Variants in DNMT3A observed in about 807,000 individuals in gnomAD.
DNMT3A encodes DNA (cytosine-5)-methyltransferase 3A.
In DNMT3A, 267 loss-of-function variants were observed where a neutral mutation model predicts 117.6. The ratio of observed to expected loss-of-function variants is 2.27; its 90% CI spans 2.05 to 2.51. DNMT3A has a LOEUF of 2.51. Among genes scored for constraint, DNMT3A ranks in the 30% most tolerant of loss-of-function variants. DNMT3A has a pLI of 0.00. For missense variants in DNMT3A, 1,029 were observed against 1,260.2 expected (o/e 0.82, Z 2.78); for synonymous variants, 432 against 474.8 (o/e 0.91, Z 1.17).
Position 25,240,690 on chromosome 2 carries a change from C to T in DNMT3A, c.2123G>A (p.Ser708Asn), listed in dbSNP as rs2149273965. Reference sequence around the variant, plus strand: ...GACGATGGAGAGGTCATTGCAGGGACTGCCCCCAATCACCAGATCGAATGG... The same window carrying T: ...GACGATGGAGAGGTCATTGCAGGGATTGCCCCCAATCACCAGATCGAATGG... ...WGPFDLVIGG[S>N]PCNDLSIVNP... The change falls in exon 18 of 23, where the codon AGT (serine) becomes AAT (asparagine). Residue 708 changes from serine (S) to asparagine (N), a missense_variant. By Grantham distance (46) the Ser-to-Asn change is conservative (BLOSUM62 1). Transcript: ENST00000321117. The T allele has an allele frequency of 6.2e-7, 1 of 1,614,236 alleles. No individual in the cohort carries two copies.
At chr2:25,276,962 G>A (rs561562427) in intron 4 of DNMT3A, among the ~76,000 whole-genome samples, 1 of 152,348 alleles carries the variant, frequency 6.6e-6, no homozygotes, top group Non-Finnish European at 1.5e-5. Flanking sequence ...GACTGGTTTT[G>A]GGCTGACCCC....
Position 25,295,127 on chromosome 2 carries a change from C to A in DNMT3A, c.177+5012G>T, listed in dbSNP as rs369799226. On this transcript the variant is annotated intron_variant, in intron 3 of 22. Transcript: ENST00000321117. ...CACCCATGAAGGACAAAGGCCTCTG[C>A]AGGACTGTCTGGGCTGGCAACCAGG... Among the ~76,000 whole-genome samples the A allele has an allele frequency of 8.9e-4, 135 of 152,348 alleles. 1 individual carries two copies. Among genetic ancestry groups the A allele is most frequent in the African/African-American group, 3.0e-3 (125 of 41,576 alleles).
intron 2 of DNMT3A, among the ~76,000 whole-genome samples, chr2:25,309,149 C>G (rs990114455): frequency 1.3e-5 from 2 of 152,192 alleles, no homozygotes; most frequent in African/African-American, 4.8e-5. Context: ...CATGGCTTAC[C>G]CACCTCGATG....
At chr2:25,270,876 T>A (rs773944236) in intron 6 of DNMT3A, among the ~76,000 whole-genome samples, 19 of 152,144 alleles carry the variant, frequency 1.2e-4, no homozygotes, top group Middle Eastern at 3.2e-3. Flanking sequence ...TACAAAAAAT[T>A]AGCCGGGTGT....
chr2:25,240,857 C>T (rs1673946585), intron 17 of DNMT3A, 127 bp from the exon 18 acceptor site: 1 of 874,184 alleles, frequency 1.1e-6, no homozygotes, highest in South Asian at 1.6e-5. Flanking sequence ...CCCAGCTGCT[C>T]TGCAGGCTCA....
rs1013221300 is a variant in DNMT3A at position 25,278,016 on chromosome 2, C to CACACAA, written c.449-2474_449-2473insTTGTGT. 6.1e-5 allele frequency among the ~76,000 whole-genome samples: 5 copies of CACACAA among 81,308 alleles called. No individual in the cohort carries two copies. In the South Asian group the frequency reaches 2.7e-3, roughly 44 times the overall value. 53.3% of individuals were successfully genotyped at this position (81,308 alleles called of 152,430 possible). A position where few individuals can be genotyped will look rare whatever the true frequency, so the allele number is the denominator to read the frequency against. On this transcript the variant is annotated intron_variant, in intron 4 of 22. Transcript: ENST00000321117. ...ACTTGAGTGATCACACACACACACA[C>CACACAA]ACACACACACACACACACACACAGA...
chr2:25,272,232 C>A (rs1386668122), intron 6 of DNMT3A, among the ~76,000 whole-genome samples: 1 of 152,232 alleles, frequency 6.6e-6, no homozygotes, highest in East Asian at 1.9e-4. Context: ...GGTGATCCAC[C>A]CGCCTCGGCC....
rs546766077 is a variant in DNMT3A at position 25,236,331 on chromosome 2, T to C, written c.2479-506A>G. 1.3e-3 allele frequency among the ~76,000 whole-genome samples: 202 copies of C among 152,264 alleles called. 1 individual carries two copies. The highest frequency in any genetic ancestry group is 4.7e-3 in the African/African-American group (197 of 41,562). ...CCGCCTGCCTCGGCCTCCCAAAGTATTGGGATTATAGGCGTGAGCCACCGC... is the reference window on the plus strand; with the variant it reads ...CCGCCTGCCTCGGCCTCCCAAAGTACTGGGATTATAGGCGTGAGCCACCGC... On this transcript the variant is annotated intron_variant, in intron 21 of 22. Transcript: ENST00000321117. This position sits in a 1 kb window ranked among gnomAD's most constrained non-coding sequence, Gnocchi z 4.5.
At chr2:25,321,036 G>A (rs538996569) in intron 1 of DNMT3A, among the ~76,000 whole-genome samples, 34 of 152,296 alleles carry the variant, frequency 2.2e-4, no homozygotes, top group Middle Eastern at 3.4e-3. Context: ...GGAAGGCTGA[G>A]GCAGGAGAAT....
intron 3 of DNMT3A, among the ~76,000 whole-genome samples, chr2:25,285,523 C>T (rs1310028060): frequency 1.3e-5 from 2 of 152,224 alleles, no homozygotes; most frequent in Non-Finnish European, 2.9e-5. Flanking sequence ...GAGGGAAGCA[C>T]CCACAGAAAG....
At chr2:25,279,037 C>T (rs1558701830) in intron 4 of DNMT3A, among the ~76,000 whole-genome samples, 1 of 152,040 alleles carries the variant, frequency 6.6e-6, no homozygotes, top group Admixed American at 6.6e-5. Flanking sequence ...CTGTGAGTAG[C>T]GAGGAGAGAG....
intron 1 of DNMT3A, among the ~76,000 whole-genome samples, chr2:25,323,677 GC>G (rs1234766469): frequency 6.6e-6 from 1 of 152,168 alleles, no homozygotes; most frequent in Admixed American, 6.5e-5. Context: ...GATTCAACCA[GC>G]CCGCAGATTT....
At chr2:25,291,076 G>A (rs2032724241) in intron 3 of DNMT3A, among the ~76,000 whole-genome samples, 1 of 152,162 alleles carries the variant, frequency 6.6e-6, no homozygotes, top group Admixed American at 6.5e-5. Context: ...GACACCCACT[G>A]CCAGCCACAG....
chr2:25,291,469 C>T (rs1244065847), intron 3 of DNMT3A, among the ~76,000 whole-genome samples: 3 of 152,232 alleles, frequency 2.0e-5, no homozygotes, highest in Non-Finnish European at 1.5e-5. Context: ...CCTTGCTCGG[C>T]CTTCCTGGGG....
Position 25,246,162 on chromosome 2 carries a change from C to T in DNMT3A, c.1427G>A (p.Arg476Lys). 2 of 1,614,090 alleles carry T rather than the reference C, an allele frequency of 1.2e-6. No homozygotes were observed. The highest frequency in any genetic ancestry group is 1.7e-6 in the Non-Finnish European group (2 of 1,179,948). ...KVKEIIDERT[R>K]ERLVYEVRQK... ...CTCTCCAGAAGCAGGCCAACTACCT[C>T]TTGTGCGCTCATCAATAATCTCCTT... The change falls in exon 11 of 23, where the codon AGA becomes AAA. Residue 476 changes from arginine to lysine, a missense_variant and splice_region_variant. By Grantham distance (26) the Arg-to-Lys change is conservative. Transcript: ENST00000321117.
chr2:25,282,314 C>T lies in DNMT3A; in HGVS notation c.448+127G>A, dbSNP rs745956694. 2.9e-5 allele frequency: 43 copies of T among 1,492,714 alleles called. No homozygotes were observed. In the East Asian group the frequency reaches 6.0e-4, roughly 21 times the overall value. The allele number at this position is 1,492,714 out of a possible 1,614,324, so 92.5% of individuals were successfully genotyped here. A position where few individuals can be genotyped will look rare whatever the true frequency, so the allele number is the denominator to read the frequency against. On this transcript the variant is annotated intron_variant, in intron 4 of 22. Transcript: ENST00000321117. The surrounding 1 kb of genome is among the most constrained non-coding windows in gnomAD (Gnocchi z 5.2). Reference sequence around the variant, plus strand: ...CAGCCAGTAGCCTCCAGGCCATAGCCTTGGCAAGCAGACCTTTAGCCACGA... The same window carrying T: ...CAGCCAGTAGCCTCCAGGCCATAGCTTTGGCAAGCAGACCTTTAGCCACGA...
chr2:25,255,511 A>G (rs749221999), intron 6 of DNMT3A, among the ~76,000 whole-genome samples: 1 of 152,226 alleles, frequency 6.6e-6, no homozygotes, highest in Non-Finnish European at 1.5e-5. Flanking sequence ...GTGTGGTCCA[A>G]TGGAGAGAGT....
Position 25,234,383 on chromosome 2 carries a change from T to C in DNMT3A, c.2635A>G (p.Asn879Asp), listed in dbSNP as rs1188120438. ...GFPVHYTDVSNMSRLARQRLL... is the reference protein window; with the variant it reads ...GFPVHYTDVSDMSRLARQRLL... Reference sequence around the variant, plus strand: ...CTCTGCCTCGCCAAGCGGCTCATGTTGGAGACGTCAGTATAGTGGACTGGG... The same window carrying C: ...CTCTGCCTCGCCAAGCGGCTCATGTCGGAGACGTCAGTATAGTGGACTGGG... Residue 879 changes from asparagine to aspartate, a missense_variant, in exon 23 of 23, where the codon AAC (asparagine) becomes GAC (aspartate). Coordinates refer to ENST00000321117, the MANE Select transcript of DNMT3A (RefSeq NM_022552.5). The surrounding 1 kb of genome is among the most constrained non-coding windows in gnomAD (Gnocchi z 4.5). 6 of 1,614,092 alleles carry C rather than the reference T, an allele frequency of 3.7e-6. No homozygotes were observed. The highest frequency in any genetic ancestry group is 1.3e-5 in the African/African-American group (1 of 75,040).
Position 25,281,193 on chromosome 2 carries a change from C to T in DNMT3A, c.448+1248G>A, listed in dbSNP as rs371591607. On this transcript the variant is annotated intron_variant, in intron 4 of 22. Coordinates refer to ENST00000321117, the MANE Select transcript of DNMT3A (RefSeq NM_022552.5). The surrounding 1 kb of genome is among the most constrained non-coding windows in gnomAD (Gnocchi z 4.8). ...CGCACCAAGTCCCATTCCAGGACAG[C>T]GGAAAATAGTAGAAAGGCACAAGAC... 6.6e-6 allele frequency among the ~76,000 whole-genome samples: 1 copy of T among 152,098 alleles called. No homozygotes were observed. The highest frequency in any genetic ancestry group is 1.5e-5 in the Non-Finnish European group (1 of 68,018).
Sources: gnomAD v4.1 joint callset for allele counts (sites outside exome capture counted in the v4.1 genomes callset) on GRCh38, gnomAD v4.1.1 for gene constraint, Gnocchi (gnomAD v3.1) non-coding constraint, MANE v1.5 for transcripts, NCBI Gene and HGNC (gene_info 2026-07-23, HGNC 2026-07-21) for gene names.